The following BANP variants were observed in gnomAD, a reference collection of about 807,000 sequenced individuals.
The protein encoded by BANP is protein BANP.
A neutral mutation model predicts 68.1 loss-of-function variants in BANP; 11 were observed. That is an observed-to-expected ratio of 0.16 (90% CI 0.10 to 0.27). The LOEUF is 0.27. BANP is among the 10% of genes least tolerant of loss of function. BANP has a pLI of 1.00. For missense variants in BANP, 504 were observed against 722.7 expected (o/e 0.70, Z 3.47); for synonymous variants, 329 against 303.2 (o/e 1.09, Z -0.88).
At position 87,957,494 on chromosome 16, in the gene BANP, G is replaced by C. The variant is rs1312354474; in HGVS notation, c.-69+5979G>C. Among the ~76,000 whole-genome samples, 1 of 152,226 alleles carries C rather than the reference G, an allele frequency of 6.6e-6. No individual in the cohort carries two copies. Among genetic ancestry groups the C allele is most frequent in the Admixed American group, 6.5e-5 (1 of 15,288 alleles). On this transcript the variant is annotated intron_variant, in intron 1 of 13. Transcript: ENST00000682872. This position sits in a 1 kb window ranked among gnomAD's most constrained non-coding sequence, Gnocchi z 4.3. ...GTGTGGAGTCCTGTCAGGAGACCTG[G>C]GGCGGTTTTGAGGCAAGCTCACGGA...
intron 1 of BANP, among the ~76,000 whole-genome samples, chr16:87,962,735 C>T (rs1184628163): frequency 2.6e-5 from 4 of 152,124 alleles, no homozygotes; most frequent in Admixed American, 1.3e-4. Flanking sequence ...AAGTGGGAGC[C>T]GTCGGGAGAA....
intron 11 of BANP, among the ~76,000 whole-genome samples, chr16:88,047,985 C>A (rs535087662): frequency 6.6e-6 from 1 of 152,248 alleles, no homozygotes; most frequent in Admixed American, 6.5e-5. Flanking sequence ...AGGGGGCTGT[C>A]CCCTGGGGAG....
At position 88,018,199 on chromosome 16, in the gene BANP, G is replaced by A. The variant is rs538118951; in HGVS notation, c.656-229G>A. 6.6e-6 allele frequency among the ~76,000 whole-genome samples: 1 copy of A among 152,206 alleles called. No individual in the cohort carries two copies. The highest frequency in any genetic ancestry group is 2.1e-4 in the South Asian group (1 of 4,802). On this transcript the variant is annotated intron_variant, in intron 6 of 13. Transcript: ENST00000682872. The surrounding 1 kb of genome is among the most constrained non-coding windows in gnomAD (Gnocchi z 7.7). ...CGAGGCCCTGCAGCCCCACAGGCACGTGGCCGCTTCTCGGGGGTGGTGGGA... is the reference window on the plus strand; with the variant it reads ...CGAGGCCCTGCAGCCCCACAGGCACATGGCCGCTTCTCGGGGGTGGTGGGA...
intron 1 of BANP, among the ~76,000 whole-genome samples, chr16:87,953,297 C>G (rs2057357309): frequency 6.6e-6 from 1 of 152,220 alleles, no homozygotes; most frequent in Non-Finnish European, 1.5e-5. Flanking sequence ...TGCCCCACCT[C>G]TCAGCCCCGT....
At chr16:87,953,687 T>C (rs1014824696) in intron 1 of BANP, among the ~76,000 whole-genome samples, 1 of 152,228 alleles carries the variant, frequency 6.6e-6, no homozygotes, top group African/African-American at 2.4e-5. Context: ...CTGTTAGTCA[T>C]GGCTTTTCTC....
chr16:87,984,587 C>G (rs1447111609), intron 4 of BANP, among the ~76,000 whole-genome samples: 2 of 152,222 alleles, frequency 1.3e-5, no homozygotes, highest in African/African-American at 2.4e-5. Flanking sequence ...CTAGTCTTTA[C>G]ATATGTTTTT....
chr16:87,951,287 C>T (rs995118080), upstream of BANP: 2 of 152,274 alleles, frequency 1.3e-5, no homozygotes, highest in African/African-American at 4.8e-5. Flanking sequence ...GCCGCCTGCG[C>T]ATGCTCACCA....
intron 11 of BANP, among the ~76,000 whole-genome samples, chr16:88,063,812 G>T (rs1032396259): frequency 5.9e-5 from 9 of 152,216 alleles, no homozygotes; most frequent in Non-Finnish European, 1.0e-4. Flanking sequence ...GAATTACAGT[G>T]TCAGAAACCT....
chr16:88,040,694 A>G (rs1483985791), intron 11 of BANP, among the ~76,000 whole-genome samples: 1 of 152,234 alleles, frequency 6.6e-6, no homozygotes, highest in Non-Finnish European at 1.5e-5. Context: ...GACACTGCAG[A>G]TGGCTCAGCT....
chr16:88,002,270 C>T lies in BANP; in HGVS notation c.363-2025C>T, dbSNP rs1016455400. On this transcript the variant is annotated intron_variant, in intron 4 of 13. Coordinates refer to ENST00000682872, the MANE Select transcript of BANP (RefSeq NM_001386991.1). The surrounding 1 kb of genome is among the most constrained non-coding windows in gnomAD (Gnocchi z 4.6). ...GTTGTGTGCCAGGGGTCTCAGTGGT[C>T]TGTCCTCAGAAACTGTTTTTGATGA... Among the ~76,000 whole-genome samples, 3 of 152,058 alleles carry T rather than the reference C, an allele frequency of 2.0e-5. No individual in the cohort carries two copies. Among genetic ancestry groups the T allele is most frequent in the African/African-American group, 7.2e-5 (3 of 41,394 alleles).
At chr16:87,974,018 G>A (rs556737039) in intron 1 of BANP, among the ~76,000 whole-genome samples, 2 of 152,260 alleles carry the variant, frequency 1.3e-5, no homozygotes, top group South Asian at 4.1e-4. Flanking sequence ...GACAGTGAAC[G>A]GACTCTTCCT....
rs893089555 is a variant in BANP, at chr16:88,033,116, G to A, written c.1071G>A (p.Met357Ile). 1.2e-6 allele frequency: 2 copies of A among 1,604,518 alleles called. No homozygotes were observed. Among genetic ancestry groups the A allele is most frequent in the Non-Finnish European group, 1.7e-6 (2 of 1,173,036 alleles). The change falls in exon 9 of 14, where the codon ATG becomes ATA. Residue 357 changes from methionine (M) to isoleucine (I), a missense_variant. This residue lies in a region of BANP where 223 missense variants were observed against 246.2 expected (regional missense o/e 0.91). Coordinates refer to ENST00000682872, the MANE Select transcript of BANP (RefSeq NM_001386991.1). ...NSSSYCPSEP[M>I]MSTPPPASEL... Reference sequence around the variant, plus strand: ...CACCTGTTGCCCCCACAGAGCCGATGATGAGCACCCCACCTCCTGCCAGCG... The same window carrying A: ...CACCTGTTGCCCCCACAGAGCCGATAATGAGCACCCCACCTCCTGCCAGCG...
At chr16:88,017,555 GAGA>G (rs1191820271) in intron 6 of BANP, 1 of 152,362 alleles carries the variant, frequency 6.6e-6, no homozygotes, top group African/African-American at 2.4e-5. Flanking sequence ...CCGTGGTTCA[GAGA>G]AGACTAGTGA....
At chr16:88,043,284 C>T (rs2081252052) in intron 11 of BANP, among the ~76,000 whole-genome samples, 1 of 152,170 alleles carries the variant, frequency 6.6e-6, no homozygotes, top group Non-Finnish European at 1.5e-5. Context: ...GGGTGAGCTG[C>T]GTAGAGCTGA....
chr16:87,986,842 G>A (rs370839991), intron 4 of BANP, among the ~76,000 whole-genome samples: 38 of 152,278 alleles, frequency 2.5e-4, no homozygotes, highest in African/African-American at 8.9e-4. Context: ...ACCCAGATGT[G>A]TGAGATCTTC....
At chr16:88,035,806 G>A (rs1356774963) in intron 10 of BANP, among the ~76,000 whole-genome samples, 1 of 152,236 alleles carries the variant, frequency 6.6e-6, no homozygotes, top group Non-Finnish European at 1.5e-5. Context: ...GCTTCCTAGT[G>A]GCCTCTACGG....
intron 1 of BANP, among the ~76,000 whole-genome samples, chr16:87,972,734 C>T (rs2061352578): frequency 6.6e-6 from 1 of 152,214 alleles, no homozygotes; most frequent in South Asian, 2.1e-4. Flanking sequence ...TCTCCCCTCC[C>T]ACCTTTAATG....
At chr16:87,987,931 A>G (rs1041792238) in intron 4 of BANP, among the ~76,000 whole-genome samples, 2 of 151,816 alleles carry the variant, frequency 1.3e-5, no homozygotes, top group African/African-American at 4.8e-5. Flanking sequence ...ATGCTTGGCT[A>G]ATTTTTGTTT....
intron 4 of BANP, among the ~76,000 whole-genome samples, chr16:87,996,406 C>T (rs1254443532): frequency 6.6e-6 from 1 of 151,438 alleles, no homozygotes; most frequent in East Asian, 1.9e-4. Context: ...GGCCCTCGTC[C>T]GGGTGCCAGC....
Sources: gnomAD v4.1 joint callset for allele counts (sites outside exome capture counted in the v4.1 genomes callset) on GRCh38, gnomAD v4.1.1 for gene constraint, gnomAD v4.1.1 regional missense constraint, Gnocchi (gnomAD v3.1) non-coding constraint, MANE v1.5 for transcripts, NCBI Gene and HGNC (gene_info 2026-07-23, HGNC 2026-07-21) for gene names.